ECE1: variants seen among roughly 807,000 people sequenced by gnomAD.
The protein encoded by ECE1 is endothelin-converting enzyme 1.
A neutral mutation model predicts 98.6 loss-of-function variants in ECE1; 35 were observed. The observed-to-expected ratio is 0.35, with a 90% CI of 0.27 to 0.47. The LOEUF is 0.47. Ranked by LOEUF, ECE1 falls within the 20% of genes least tolerant of loss-of-function variation. The probability of loss-of-function intolerance (pLI) is 1.00; values close to 1 mark genes in which losing one functional copy is unlikely to be tolerated. For missense variants in ECE1, 814 were observed against 1,025.3 expected (o/e 0.79, Z 2.81); for synonymous variants, 394 against 407.1 (o/e 0.97, Z 0.39).
intron 1 of ECE1, among the ~76,000 whole-genome samples, chr1:21,341,474 A>C (rs1639397066): frequency 6.6e-6 from 1 of 152,266 alleles, no homozygotes; most frequent in Non-Finnish European, 1.5e-5. Flanking sequence ...GACTTGGCCA[A>C]GCTGGTTTTC....
At chr1:21,287,804 G>C (rs1569663696) in intron 2 of ECE1, among the ~76,000 whole-genome samples, 1 of 152,202 alleles carries the variant, frequency 6.6e-6, no homozygotes. Context: ...TATTTACAGT[G>C]AGCTCAACTA....
At chr1:21,228,904 G>A (rs534662614) in intron 14 of ECE1, among the ~76,000 whole-genome samples, 3 of 148,124 alleles carry the variant, frequency 2.0e-5, no homozygotes, top group East Asian at 2.0e-4. Flanking sequence ...GCAGTGGTGC[G>A]ACTGCGGCTC....
At chr1:21,310,052 C>A (rs1638684338) in intron 1 of ECE1, among the ~76,000 whole-genome samples, 2 of 152,216 alleles carry the variant, frequency 1.3e-5, no homozygotes, top group Non-Finnish European at 2.9e-5. Flanking sequence ...GCCTCGGCCT[C>A]CCAAAGTGCT....
chr1:21,280,615 AG>A (rs1209692633), intron 2 of ECE1, among the ~76,000 whole-genome samples: 1 of 152,178 alleles, frequency 6.6e-6, no homozygotes, highest in East Asian at 1.9e-4. Flanking sequence ...AAGGCTTGCC[AG>A]GAAGAGGGGA....
At chr1:21,328,800 G>A (rs1639137092) in intron 1 of ECE1, among the ~76,000 whole-genome samples, 1 of 151,112 alleles carries the variant, frequency 6.6e-6, no homozygotes, top group Admixed American at 6.6e-5. Context: ...TCTCTGTGTG[G>A]AAGTCTGCAA....
Position 21,225,106 on chromosome 1 carries a change from G to T in ECE1, c.2040+144C>A. On this transcript the variant is annotated intron_variant, in intron 17 of 18. Coordinates refer to ENST00000374893, the MANE Select transcript of ECE1 (RefSeq NM_001397.3). The surrounding 1 kb of genome is among the most constrained non-coding windows in gnomAD (Gnocchi z 5.3). ...ACGGTCGGCATCGCGATTGGTCCTC[G>T]CCACCCCCAATTTCGCAGAAGAGGA... 1.8e-6 allele frequency: 2 copies of T among 1,117,018 alleles called. No homozygotes were observed. The highest frequency in any genetic ancestry group is 2.5e-6 in the Non-Finnish European group (2 of 784,486). 69.2% of individuals were successfully genotyped at this position (1,117,018 alleles called of 1,614,324 possible).
intron 1 of ECE1, among the ~76,000 whole-genome samples, chr1:21,342,091 C>T (rs2103421847): frequency 6.6e-6 from 1 of 152,306 alleles, no homozygotes; most frequent in African/African-American, 2.4e-5. Context: ...GCTGGTAGTA[C>T]ATCAGGATTC....
Position 21,220,232 on chromosome 1 carries a change from A to C in ECE1, c.2137-101T>G. ...CAGGGGAGGCCAGGTGCGGTGGCTC[A>C]CACCTGTAATCCCAGCACTTTGGGA... On this transcript the variant is annotated intron_variant, in intron 18 of 18. Transcript: ENST00000374893. The surrounding 1 kb of genome is among the most constrained non-coding windows in gnomAD (Gnocchi z 5.0). The C allele has an allele frequency of 4.0e-5, 53 of 1,340,858 alleles. No homozygotes were observed. Among genetic ancestry groups the C allele is most frequent in the Non-Finnish European group, 4.8e-5 (47 of 988,122 alleles). 83.1% of individuals were successfully genotyped at this position (1,340,858 alleles called of 1,614,324 possible).
chr1:21,288,705 A>C (rs546102616), intron 2 of ECE1, among the ~76,000 whole-genome samples: 75 of 152,366 alleles, frequency 4.9e-4, no homozygotes, highest in African/African-American at 1.7e-3. Context: ...AGGGAAAAGC[A>C]CCTGCCCCAG....
At chr1:21,300,317 C>G (rs1196772056) in intron 1 of ECE1, among the ~76,000 whole-genome samples, 2 of 152,236 alleles carry the variant, frequency 1.3e-5, no homozygotes, top group African/African-American at 2.4e-5. Flanking sequence ...GTGTCCCTCT[C>G]TGGGGCCCAT....
intron 15 of ECE1, 24 bp from the exon 16 acceptor site, chr1:21,227,250 G>C (rs2098175583): frequency 8.1e-6 from 13 of 1,611,378 alleles, no homozygotes; most frequent in Non-Finnish European, 1.1e-5. Flanking sequence ...CACAAAGGTA[G>C]AGATGATGCT....
intron 12 of ECE1, among the ~76,000 whole-genome samples, chr1:21,236,340 A>G (rs894039429): frequency 9.2e-5 from 14 of 152,262 alleles, no homozygotes; most frequent in Non-Finnish European, 1.8e-4. Flanking sequence ...GACAGCATCC[A>G]GGCTGTGCTG....
intron 8 of ECE1, among the ~76,000 whole-genome samples, chr1:21,250,423 G>T (rs1317412830): frequency 6.6e-6 from 1 of 152,196 alleles, no homozygotes; most frequent in Non-Finnish European, 1.5e-5. Flanking sequence ...CGATCACTTA[G>T]ATGGATATGT....
In ECE1 at chr1:21,218,680, G is replaced by A. The variant is rs78774900; in HGVS notation, c.*1275C>T. 4 of 152,136 alleles carry A rather than the reference G, an allele frequency of 2.6e-5. No homozygotes were observed. The East Asian group carries it at 7.7e-4, about 29-fold the overall frequency. 9.4% of individuals were successfully genotyped at this position (152,136 alleles called of 1,614,324 possible). ...CAGCTCACTGCAACCTCTGCCTCCTGAGCTCAAGAGATTCTCTTGCCTCAG... is the reference window on the plus strand; with the variant it reads ...CAGCTCACTGCAACCTCTGCCTCCTAAGCTCAAGAGATTCTCTTGCCTCAG... On this transcript the variant is annotated 3_prime_UTR_variant, in exon 19 of 19. Transcript: ENST00000374893. The surrounding 1 kb of genome is among the most constrained non-coding windows in gnomAD (Gnocchi z 4.0).
In ECE1 at chr1:21,305,117, A is replaced by G. The variant is rs988267482; in HGVS notation, c.4-14961T>C. On this transcript the variant is annotated intron_variant, in intron 1 of 18. Transcript: ENST00000415912. The stretch of plus-strand genomic sequence containing the variant: ...AAATTAATTAAAAATAAAGTGAAAA[A>G]TTCAACCCTCCTTTGCACTAGCCAC... Among the ~76,000 whole-genome samples, 3 of 152,214 alleles carry G rather than the reference A, an allele frequency of 2.0e-5. No individual in the cohort carries two copies. In the East Asian group the frequency reaches 5.8e-4, roughly 29 times the overall value.
intron 17 of ECE1, among the ~76,000 whole-genome samples, chr1:21,223,996 T>C (rs936295320): frequency 1.3e-5 from 2 of 152,274 alleles, no homozygotes; most frequent in East Asian, 3.9e-4. Context: ...CCAAAGGTCC[T>C]TCCTTAGCCG....
chr1:21,332,056 A>T (rs554489707), intron 1 of ECE1, among the ~76,000 whole-genome samples: 2 of 152,082 alleles, frequency 1.3e-5, no homozygotes, highest in African/African-American at 4.8e-5. Flanking sequence ...CGTGGACTTG[A>T]GCTCACTAAG....
At chr1:21,296,754 C>T (rs1638365346) in intron 1 of ECE1, among the ~76,000 whole-genome samples, 1 of 152,328 alleles carries the variant, frequency 6.6e-6, no homozygotes, top group South Asian at 2.1e-4. Flanking sequence ...AGGGCCTCAC[C>T]TCCTTTTTTT....
chr1:21,233,722 C>A lies in ECE1; in HGVS notation c.1567-61G>T. On this transcript the variant is annotated intron_variant, in intron 13 of 18. Transcript: ENST00000374893. This position sits in a 1 kb window ranked among gnomAD's most constrained non-coding sequence, Gnocchi z 4.0. ...CCTCGGTGGTGTGCATCTTCCAAGA[C>A]AGGAAGCCAAGGGCTGTCATGGTTA... The A allele has an allele frequency of 6.6e-7, 1 of 1,513,562 alleles. No individual in the cohort carries two copies. The highest frequency in any genetic ancestry group is 1.1e-5 in the South Asian group (1 of 88,164). The allele number at this position is 1,513,562 out of a possible 1,614,324, so 93.8% of individuals were successfully genotyped here. A position where few individuals can be genotyped will look rare whatever the true frequency, so the allele number is the denominator to read the frequency against.
Sources: gnomAD v4.1 joint callset for allele counts (sites outside exome capture counted in the v4.1 genomes callset) on GRCh38, gnomAD v4.1.1 for gene constraint, Gnocchi (gnomAD v3.1) non-coding constraint, MANE v1.5 for transcripts, NCBI Gene and HGNC (gene_info 2026-07-23, HGNC 2026-07-21) for gene names.